Variants in ZNF462 observed in about 807,000 individuals in gnomAD.
ZNF462 encodes the protein zinc finger PBX1-interacting protein.
A neutral mutation model predicts 201.9 loss-of-function variants in ZNF462; 10 were observed. That is an observed-to-expected ratio of 0.05 (90% CI 0.03 to 0.08). ZNF462 has a LOEUF of 0.08. Among genes scored for constraint, ZNF462 ranks in the 10% least tolerant of loss-of-function variants. The pLI is 1.00. For synonymous variants in ZNF462, 1,227 were observed against 1,193.3 expected (o/e 1.03, Z -0.58); for missense variants, 2,523 against 3,168.3 (o/e 0.80, Z 4.89).
chr9:106,981,435 A>G lies in ZNF462; in HGVS notation c.6833-2751A>G, dbSNP rs559223547. 1.3e-5 allele frequency among the ~76,000 whole-genome samples: 2 copies of G among 152,234 alleles called. No homozygotes were observed. Among genetic ancestry groups the G allele is most frequent in the Non-Finnish European group, 2.9e-5 (2 of 68,044 alleles). On this transcript the variant is annotated intron_variant, in intron 9 of 12. Coordinates refer to ENST00000277225, the MANE Select transcript of ZNF462 (RefSeq NM_021224.6). The surrounding 1 kb of genome is among the most constrained non-coding windows in gnomAD (Gnocchi z 4.0). ...CCAGGTCACAGCTTTGTGCTGAACC[A>G]GAGGTGTGACTTTGAGGAAGTAGCT... is the stretch of plus-strand genomic sequence containing the variant.
In ZNF462 at chr9:106,883,391, C is replaced by T. The variant is rs1045197603; in HGVS notation, c.-31+20036C>T. On this transcript the variant is annotated intron_variant, in intron 1 of 12. Coordinates refer to ENST00000277225, the MANE Select transcript of ZNF462 (RefSeq NM_021224.6). The surrounding 1 kb of genome is among the most constrained non-coding windows in gnomAD (Gnocchi z 4.9). ...CATATTAATGCTGGCCCAGTGAAGG[C>T]AGAATAGTGTGCGGATGGAAAATGA... Among the ~76,000 whole-genome samples, 1 of 152,186 alleles carries T rather than the reference C, an allele frequency of 6.6e-6. No individual in the cohort carries two copies. The highest frequency in any genetic ancestry group is 1.5e-5 in the Non-Finnish European group (1 of 68,032).
At chr9:106,918,156 T>C (rs1829853574) in intron 1 of ZNF462, among the ~76,000 whole-genome samples, 1 of 152,126 alleles carries the variant, frequency 6.6e-6, no homozygotes, top group Admixed American at 6.6e-5. Flanking sequence ...ATTACAGGCG[T>C]GAGCCACCAC....
At chr9:106,867,820 T>C (rs1259720608) in intron 1 of ZNF462, among the ~76,000 whole-genome samples, 1 of 152,208 alleles carries the variant, frequency 6.6e-6, no homozygotes, top group Non-Finnish European at 1.5e-5. Flanking sequence ...CTTACTTATC[T>C]TCTTTATGGT....
chr9:106,894,339 G>T (rs1417266356), intron 1 of ZNF462, among the ~76,000 whole-genome samples: 1 of 152,218 alleles, frequency 6.6e-6, no homozygotes, highest in African/African-American at 2.4e-5. Context: ...GTAGAGACAT[G>T]CTGCTTTAAG....
chr9:106,943,057 CGCGTGTGTGTGT>C (rs1217454916), intron 7 of ZNF462, among the ~76,000 whole-genome samples: 20 of 136,818 alleles, frequency 1.5e-4, no homozygotes, highest in Admixed American at 1.1e-3. Context: ...GTTTTGCGCG[CGCGTGTGTGTGT>C]GTGTGTGTGT....
intron 4 of ZNF462, among the ~76,000 whole-genome samples, chr9:106,931,930 A>T (rs1830442331): frequency 6.6e-6 from 1 of 152,072 alleles, no homozygotes; most frequent in East Asian, 1.9e-4. Flanking sequence ...GCCCAACTTT[A>T]TGTCAACTTA....
rs964657680 is a variant in ZNF462 at position 106,883,717 on chromosome 9, G to A, written c.-31+20362G>A. Among the ~76,000 whole-genome samples the A allele has an allele frequency of 2.0e-5, 3 of 152,126 alleles. No individual in the cohort carries two copies. Among genetic ancestry groups the A allele is most frequent in the East Asian group, 3.8e-4 (2 of 5,196 alleles). ...ATCTTTTCCTCTGAAGTTTGGATGCGGTTCAAAGCTAAGATTGAGGCTCCT... is the reference window on the plus strand; with the variant it reads ...ATCTTTTCCTCTGAAGTTTGGATGCAGTTCAAAGCTAAGATTGAGGCTCCT... On this transcript the variant is annotated intron_variant, in intron 1 of 12. Coordinates refer to ENST00000277225, the MANE Select transcript of ZNF462 (RefSeq NM_021224.6). The surrounding 1 kb of genome is among the most constrained non-coding windows in gnomAD (Gnocchi z 4.9).
intron 1 of ZNF462, among the ~76,000 whole-genome samples, chr9:106,889,654 A>T (rs1349900124): frequency 1.3e-5 from 2 of 152,146 alleles, no homozygotes; most frequent in Non-Finnish European, 2.9e-5. Flanking sequence ...TCATTCATTT[A>T]AATACTTACT....
In ZNF462 at chr9:106,972,128, A is replaced by C. The variant is rs752278818; in HGVS notation, c.6551A>C (p.Glu2184Ala). 6.2e-7 allele frequency: 1 copy of C among 1,614,194 alleles called. No homozygotes were observed. Among genetic ancestry groups the C allele is most frequent in the Non-Finnish European group, 8.5e-7 (1 of 1,180,032 alleles). The change falls in exon 8 of 13, where the codon GAG (glutamate) becomes GCG (alanine). Residue 2184 changes from glutamate (E) to alanine (A), a missense_variant. Around this residue, in one of 15 missense-constraint regions of ZNF462, gnomAD observed 228 missense variants for 361.2 expected, o/e 0.63. Coordinates refer to ENST00000277225, the MANE Select transcript of ZNF462 (RefSeq NM_021224.6). The surrounding 1 kb of genome is among the most constrained non-coding windows in gnomAD (Gnocchi z 4.8). ...VPLSGAAAGT[E>A]QKTEAVLHCE... ...CTTTCTGGGGCTGCTGCTGGCACTGAGCAGAAAACTGAAGCCGTGCTTCAC... is the reference window on the plus strand; with the variant it reads ...CTTTCTGGGGCTGCTGCTGGCACTGCGCAGAAAACTGAAGCCGTGCTTCAC...
chr9:106,920,846 ATGT>A lies in ZNF462; in HGVS notation c.-30-2504_-30-2502del, dbSNP rs1349328748. Among the ~76,000 whole-genome samples, 1 of 152,170 alleles carries A rather than the reference ATGT, an allele frequency of 6.6e-6. No homozygotes were observed. The highest frequency in any genetic ancestry group is 1.5e-5 in the Non-Finnish European group (1 of 68,024). ...TTCTGCAGAACCGTAACTTCTGTTGATGTTGTGCAAATCAGGCTCAAACTTTCC... is the reference window on the plus strand; with the variant it reads ...TTCTGCAGAACCGTAACTTCTGTTGATGTGCAAATCAGGCTCAAACTTTCC... On this transcript the variant is annotated intron_variant, in intron 1 of 12. Coordinates refer to ENST00000277225, the MANE Select transcript of ZNF462 (RefSeq NM_021224.6). This position sits in a 1 kb window ranked among gnomAD's most constrained non-coding sequence, Gnocchi z 4.3.
chr9:106,951,105 T>G (rs1426711781), intron 7 of ZNF462, among the ~76,000 whole-genome samples: 1 of 152,076 alleles, frequency 6.6e-6, no homozygotes, highest in Non-Finnish European at 1.5e-5. Context: ...AAAAAAAATT[T>G]AAGTTCAAGG....
At chr9:106,910,404 C>T (rs1829502862) in intron 1 of ZNF462, among the ~76,000 whole-genome samples, 5 of 111,242 alleles carry the variant, frequency 4.5e-5, no homozygotes, top group Non-Finnish European at 5.2e-5. Flanking sequence ...CATTTGTCTT[C>T]GAGGCATAAC....
rs571076265 is a variant in ZNF462 at position 106,948,500 on chromosome 9, C to G, written c.6427+9393C>G. Reference sequence around the variant, plus strand: ...CTTCTGATGACAAAAGTAATACCAACTCGTGACTAACGAACAGCTTTATGG... The same window carrying G: ...CTTCTGATGACAAAAGTAATACCAAGTCGTGACTAACGAACAGCTTTATGG... On this transcript the variant is annotated intron_variant, in intron 7 of 12. Coordinates refer to ENST00000277225, the MANE Select transcript of ZNF462 (RefSeq NM_021224.6). 5.3e-5 allele frequency among the ~76,000 whole-genome samples: 8 copies of G among 152,290 alleles called. No homozygotes were observed. In the East Asian group the frequency reaches 1.5e-3, roughly 29 times the overall value.
At chr9:106,988,518 T>A (rs1209637700) in intron 10 of ZNF462, among the ~76,000 whole-genome samples, 1 of 152,144 alleles carries the variant, frequency 6.6e-6, no homozygotes, top group Non-Finnish European at 1.5e-5. Flanking sequence ...TTTAGCTATC[T>A]GGGCTCTTTT....
rs3056311 is a variant in ZNF462 at position 106,943,059 on chromosome 9, C to CGTGTGTGTGTGTGTGTGT, written c.6427+3969_6427+3986dup. On this transcript the variant is annotated intron_variant, in intron 7 of 12. Coordinates refer to ENST00000277225, the MANE Select transcript of ZNF462 (RefSeq NM_021224.6). Reference sequence around the variant, plus strand: ...GTAACATAGTTTTGTTTTGCGCGCGCGTGTGTGTGTGTGTGTGTGTGTGTG... The same window carrying CGTGTGTGTGTGTGTGTGT: ...GTAACATAGTTTTGTTTTGCGCGCGCGTGTGTGTGTGTGTGTGTGTGTGTGTGTGTGTGTGTGTGTGTG... 2.7e-4 allele frequency among the ~76,000 whole-genome samples: 38 copies of CGTGTGTGTGTGTGTGTGT among 143,246 alleles called. 1 individual carries two copies. Among genetic ancestry groups the CGTGTGTGTGTGTGTGTGT allele is most frequent in the African/African-American group, 7.4e-4 (28 of 37,950 alleles). 94.0% of individuals were successfully genotyped at this position (143,246 alleles called of 152,430 possible). A position where few individuals can be genotyped will look rare whatever the true frequency, so the allele number is the denominator to read the frequency against.
intron 10 of ZNF462, among the ~76,000 whole-genome samples, chr9:106,998,649 C>T (rs1828926734): frequency 6.6e-6 from 1 of 151,828 alleles, no homozygotes; most frequent in South Asian, 2.1e-4. Flanking sequence ...GCTCTGTCAC[C>T]CAGGCTGGAG....
rs1348397530 is a variant in ZNF462 at position 106,928,732 on chromosome 9, T to C, written c.4820T>C (p.Val1607Ala). 1 of 1,614,106 alleles carries C rather than the reference T, an allele frequency of 6.2e-7. No homozygotes were observed. Among genetic ancestry groups the C allele is most frequent in the Non-Finnish European group, 8.5e-7 (1 of 1,180,014 alleles). Reference sequence around the variant, plus strand: ...TATCACAATCAGCCTGAATTTGATGTCTTTTCCCAGTCGCCCCCGAAGCTG... The same window carrying C: ...TATCACAATCAGCCTGAATTTGATGCCTTTTCCCAGTCGCCCCCGAAGCTG... ...EKYHNQPEFD[V>A]FSQSPPKLPV... is the part of the protein sequence containing the mutation. The change falls in exon 3 of 13, where the codon GTC (valine) becomes GCC (alanine). Residue 1607 changes from valine (V) to alanine (A), a missense_variant. By Grantham distance (64) the Val-to-Ala change is moderately conservative. This residue lies in a region of ZNF462 where 200 missense variants were observed against 281.3 expected (regional missense o/e 0.71). Transcript: ENST00000277225. This position sits in a 1 kb window ranked among gnomAD's most constrained non-coding sequence, Gnocchi z 9.3.
chr9:106,927,079 A>G lies in ZNF462; in HGVS notation c.3167A>G (p.Glu1056Gly), dbSNP rs1477288614. ...CATTATCAGAAGAAACACCCCGAAG[A>G]AAAGGCTTCCTACTTTAGGATCCAG... ...LVHYQKKHPE[E>G]KASYFRIQKT... The change falls in exon 3 of 13, where the codon GAA becomes GGA. Residue 1056 changes from glutamate (E) to glycine (G), a missense_variant. Glu to Gly is a moderately conservative substitution (Grantham distance 98). Around this residue, in one of 15 missense-constraint regions of ZNF462, gnomAD observed 280 missense variants for 321.3 expected, o/e 0.87. Transcript: ENST00000277225. The G allele has an allele frequency of 6.2e-7, 1 of 1,613,780 alleles. No individual in the cohort carries two copies.
intron 11 of ZNF462, among the ~76,000 whole-genome samples, chr9:107,007,447 G>A (rs1229396553): frequency 6.6e-6 from 1 of 152,132 alleles, no homozygotes; most frequent in Non-Finnish European, 1.5e-5. Context: ...GTCCACATTC[G>A]TGAGCTTTAC....
Sources: allele counts gnomAD v4.1 joint callset (sites outside exome capture counted in the v4.1 genomes callset), GRCh38; gene constraint gnomAD v4.1.1; regional missense constraint gnomAD v4.1.1; non-coding constraint Gnocchi (gnomAD v3.1); transcripts MANE v1.5; gene names NCBI Gene and HGNC (gene_info 2026-07-23, HGNC 2026-07-21).